The following CC2D2A variants were observed in gnomAD, a reference collection of about 807,000 sequenced individuals.
CC2D2A encodes the protein coiled-coil and C2 domain containing 2A, also known as coiled-coil and C2 domain-containing protein 2A.
In CC2D2A, 155 loss-of-function variants were observed where a neutral mutation model predicts 212.9. That is an observed-to-expected ratio of 0.73 (90% CI 0.64 to 0.83). CC2D2A has a LOEUF of 0.83. Ranked by LOEUF, CC2D2A falls within the 40% of genes least tolerant of loss-of-function variation. The pLI is 0.00. For missense variants in CC2D2A, 1,856 were observed against 1,956.2 expected, an observed-to-expected ratio of 0.95 and a Z score of 0.97; for synonymous variants, 667 against 686.5, an observed-to-expected ratio of 0.97 and a Z score of 0.44.
chr4:15,570,612 T>C, intron 28 of CC2D2A, 116 bp downstream of exon 28: 2 of 632,824 alleles, frequency 3.2e-6, no homozygotes, highest in Non-Finnish European at 5.6e-6. Context: ...CCCAGCACTT[T>C]GGGAGGCCAA....
At chr4:15,519,235 G>T in intron 11 of CC2D2A, 1 of 346,434 alleles carries the variant, frequency 2.9e-6, no homozygotes, top group Non-Finnish European at 5.6e-6. Context: ...TAGGGCAGAG[G>T]CAAAATGACA....
chr4:15,568,333 C>T (rs1267610943), intron 26 of CC2D2A, among the ~76,000 whole-genome samples: 1 of 152,192 alleles, frequency 6.6e-6, no homozygotes, highest in African/African-American at 2.4e-5. Context: ...TTACTTAAAG[C>T]CACACAGTAA....
At chr4:15,578,784 C>G (rs1720517030) in intron 29 of CC2D2A, among the ~76,000 whole-genome samples, 1 of 148,250 alleles carries the variant, frequency 6.7e-6, no homozygotes, top group Non-Finnish European at 1.5e-5. Flanking sequence ...CATCACTACA[C>G]CTGGTTTGTT....
At chr4:15,591,643 G>A (rs1388831129) in intron 33 of CC2D2A, among the ~76,000 whole-genome samples, 1 of 152,130 alleles carries the variant, frequency 6.6e-6, no homozygotes, top group Non-Finnish European at 1.5e-5. Flanking sequence ...AATTACATAT[G>A]TAAAGAGCAC....
intron 8 of CC2D2A, among the ~76,000 whole-genome samples, chr4:15,514,188 A>G (rs2082421824): frequency 2.0e-5 from 3 of 152,214 alleles, no homozygotes; most frequent in South Asian, 2.1e-4. Flanking sequence ...ACTATCTTAT[A>G]AGTGAGGAAA....
intron 13 of CC2D2A, among the ~76,000 whole-genome samples, chr4:15,529,828 T>A (rs1407560604): frequency 6.7e-6 from 1 of 150,036 alleles, no homozygotes; most frequent in Non-Finnish European, 1.5e-5. Context: ...TTTTTTTTTT[T>A]AAGGTATATC....
chr4:15,502,868 C>T lies in CC2D2A; in HGVS notation c.383C>T (p.Pro128Leu), dbSNP rs768439693. 8.7e-6 allele frequency: 14 copies of T among 1,612,026 alleles called. No homozygotes were observed. Among genetic ancestry groups the T allele is most frequent in the African/African-American group, 1.3e-5 (1 of 74,930 alleles). Reference sequence around the variant, plus strand: ...CTGCAGGAAATCCCCACTCCTCGGCCCAGACGCTTACGAAGTCCCAGTAAG... The same window carrying T: ...CTGCAGGAAATCCCCACTCCTCGGCTCAGACGCTTACGAAGTCCCAGTAAG... Reference protein sequence around the residue: ...ALLQEIPTPRPRRLRSPSKKE... With the variant: ...ALLQEIPTPRLRRLRSPSKKE... The change falls in exon 6 of 37, where the codon CCC (proline) becomes CTC (leucine). Residue 128 changes from proline (P) to leucine (L), a missense_variant. Physicochemically the swap from Pro to Leu is moderately conservative, Grantham distance 98 (BLOSUM62 -3). Transcript: ENST00000424120.
intron 29 of CC2D2A, among the ~76,000 whole-genome samples, chr4:15,578,711 C>T (rs1199744040): frequency 1.3e-5 from 2 of 152,136 alleles, no homozygotes; most frequent in African/African-American, 2.4e-5. Context: ...CTGCAACCTC[C>T]GCCTCCCAGG....
chr4:15,583,298 T>C (rs1720726493), intron 30 of CC2D2A, among the ~76,000 whole-genome samples: 1 of 152,130 alleles, frequency 6.6e-6, no homozygotes, highest in Admixed American at 6.5e-5. Context: ...GCCCACTTTC[T>C]CCAACTCTAT....
At chr4:15,563,087 A>T (rs544579763) in intron 23 of CC2D2A, among the ~76,000 whole-genome samples, 11 of 152,328 alleles carry the variant, frequency 7.2e-5, no homozygotes, top group African/African-American at 2.2e-4. Context: ...CTGGTGGGTG[A>T]GCAAGGTAGA....
chr4:15,533,284 C>G lies in CC2D2A; in HGVS notation c.1558C>G (p.Arg520Gly). 1 of 1,595,050 alleles carries G rather than the reference C, an allele frequency of 6.3e-7. No homozygotes were observed. The highest frequency in any genetic ancestry group is 8.5e-7 in the Non-Finnish European group (1 of 1,171,768). The stretch of plus-strand genomic sequence containing the variant: ...AGTTTGGAAAGAGATGAAATCCCTT[C>G]GAGAGTTCCAGAGATTTACAAATAC... ...IKVWKEMKSL[R>G]EFQRFTNTPL... The change falls in exon 14 of 37, where the codon CGA becomes GGA. Residue 520 changes from arginine (R) to glycine (G), a missense_variant. Arg to Gly is a moderately radical substitution (Grantham distance 125). Around this residue, in one of 5 missense-constraint regions of CC2D2A, gnomAD observed 1,512 missense variants for 1,579.3 expected, o/e 0.96. Transcript: ENST00000424120.
Position 15,514,839 on chromosome 4 carries a change from GA to G in CC2D2A, c.853del (p.Met285CysfsTer34). On this transcript the variant is annotated frameshift_variant, in exon 9 of 37. Coordinates refer to ENST00000424120, the MANE Select transcript of CC2D2A (RefSeq NM_001378615.1). LOFTEE classifies it high-confidence loss of function. Reference sequence around the variant, plus strand: ...CCATGATCGGCTGCAGATGGAAAGAGAAATGCTCTTCATACCCAGTAGGCAG... The same window carrying G: ...CCATGATCGGCTGCAGATGGAAAGAGAATGCTCTTCATACCCAGTAGGCAG... ...SIHDRLQMER[E>X]MLFIPSRQTV... The G allele has an allele frequency of 6.2e-7, 1 of 1,613,928 alleles. No individual in the cohort carries two copies. The highest frequency in any genetic ancestry group is 1.1e-5 in the South Asian group (1 of 91,084).
At chr4:15,581,135 T>C (rs1051436234) in intron 30 of CC2D2A, among the ~76,000 whole-genome samples, 2 of 152,196 alleles carry the variant, frequency 1.3e-5, no homozygotes, top group South Asian at 4.1e-4. Context: ...GTCACTAATA[T>C]ACTAATTTAG....
At chr4:15,485,414 G>A (rs1714940403) in intron 4 of CC2D2A, among the ~76,000 whole-genome samples, 1 of 152,174 alleles carries the variant, frequency 6.6e-6, no homozygotes, top group African/African-American at 2.4e-5. Flanking sequence ...TATCTTAGCT[G>A]TTGTGAATAG....
chr4:15,491,002 C>T (rs903794961), intron 4 of CC2D2A, among the ~76,000 whole-genome samples: 20 of 152,082 alleles, frequency 1.3e-4, no homozygotes, highest in African/African-American at 4.8e-4. Flanking sequence ...ATTGCTCACT[C>T]GGGGAGCTCA....
intron 2 of CC2D2A, 80 bp from the exon 3 acceptor site, chr4:15,478,643 T>C (rs1467082141): frequency 2.0e-6 from 2 of 1,024,222 alleles, no homozygotes; most frequent in Non-Finnish European, 2.9e-6. Flanking sequence ...AGGGTCAAGA[T>C]GGGAGTTTTA....
In CC2D2A at chr4:15,555,216, T is replaced by C; in HGVS notation, c.2625+6T>C. 1 of 1,611,624 alleles carries C rather than the reference T, an allele frequency of 6.2e-7. No homozygotes were observed. The highest frequency in any genetic ancestry group is 8.5e-7 in the Non-Finnish European group (1 of 1,178,610). ...CTTTGATGCAGCTTATCTCGGTATG[T>C]AGCAGGAGGCACACATGCCATTTCT... On this transcript the variant is annotated splice_donor_region_variant and intron_variant, in intron 20 of 36. Coordinates refer to ENST00000424120, the MANE Select transcript of CC2D2A (RefSeq NM_001378615.1).
In CC2D2A at chr4:15,516,622, C is replaced by T. The variant is rs1560161045; in HGVS notation, c.1018-3C>T. On this transcript the variant is annotated splice_region_variant and splice_polypyrimidine_tract_variant and intron_variant, in intron 10 of 36. Transcript: ENST00000424120. ...GTTGCCATTCCCTCTGCTTCATCTA[C>T]AGGAAAGAAGATGGTTTGGAGATGA... The T allele has an allele frequency of 3.7e-6, 6 of 1,610,376 alleles. No individual in the cohort carries two copies. Among genetic ancestry groups the T allele is most frequent in the South Asian group, 2.2e-5 (2 of 90,204 alleles).
intron 36 of CC2D2A, among the ~76,000 whole-genome samples, chr4:15,600,467 T>TA (rs1257507802): frequency 1.3e-5 from 2 of 152,154 alleles, no homozygotes; most frequent in Non-Finnish European, 1.5e-5. Flanking sequence ...CTGGAACACT[T>TA]ACAGAATTCA....
Sources: allele counts gnomAD v4.1 joint callset (sites outside exome capture counted in the v4.1 genomes callset), GRCh38; gene constraint gnomAD v4.1.1; regional missense constraint gnomAD v4.1.1; transcripts MANE v1.5; gene names NCBI Gene and HGNC (gene_info 2026-07-23, HGNC 2026-07-21).